Variants in TRPC7 observed in about 807,000 individuals in gnomAD.
TRPC7 encodes the protein transient receptor potential cation channel subfamily C member 7.
A neutral mutation model predicts 90.1 loss-of-function variants in TRPC7; 42 were observed. The ratio of observed to expected loss-of-function variants is 0.47; its 90% CI spans 0.36 to 0.60. The LOEUF is 0.60. Ranked by LOEUF, TRPC7 falls within the 20% of genes least tolerant of loss-of-function variation. TRPC7 has a pLI of 0.00. For missense variants in TRPC7, 955 were observed against 1,112.3 expected (o/e 0.86, Z 2.01); for synonymous variants, 451 against 436.3 (o/e 1.03, Z -0.42).
chr5:136,274,526 G>A, intron 4 of TRPC7, 147 bp downstream of exon 4: 2 of 863,154 alleles, frequency 2.3e-6, no homozygotes, highest in South Asian at 4.4e-5. Flanking sequence ...CTTTTATGTG[G>A]TTTCCTACTT....
intron 2 of TRPC7, among the ~76,000 whole-genome samples, chr5:136,317,710 C>T (rs1180380158): frequency 6.6e-6 from 1 of 152,226 alleles, no homozygotes; most frequent in Non-Finnish European, 1.5e-5. Flanking sequence ...GTAAAACAGA[C>T]ACTGCCCTGT....
In TRPC7 at chr5:136,357,147, C is replaced by A. The variant is rs777935954; in HGVS notation, c.241G>T (p.Ala81Ser). 39 of 1,613,984 alleles carry A rather than the reference C, an allele frequency of 2.4e-5. No individual in the cohort carries two copies. Among genetic ancestry groups the A allele is most frequent in the Non-Finnish European group, 2.9e-5 (34 of 1,180,024 alleles). The change falls in exon 2 of 12, where the codon GCT (alanine) becomes TCT (serine). Residue 81 changes from alanine to serine, a missense_variant. Transcript: ENST00000513104. ...FNCVDYMGQN[A>S]LQLAVGNEHL... ...TCGTTGCCCACGGCCAGCTGCAGAG[C>A]GTTCTGCCCCATGTAGTCCACACAG...
intron 2 of TRPC7, among the ~76,000 whole-genome samples, chr5:136,345,669 A>G (rs1414758063): frequency 6.6e-6 from 1 of 152,126 alleles, no homozygotes; most frequent in African/African-American, 2.4e-5. Flanking sequence ...CTCTGATGGT[A>G]GTTTCTTTTG....
chr5:136,286,247 C>T (rs1757713507), intron 3 of TRPC7, among the ~76,000 whole-genome samples: 1 of 152,164 alleles, frequency 6.6e-6, no homozygotes, highest in Non-Finnish European at 1.5e-5. Context: ...AATAATATGT[C>T]CCATCCCACA....
intron 2 of TRPC7, among the ~76,000 whole-genome samples, chr5:136,352,843 G>A (rs1190377397): frequency 1.3e-5 from 2 of 152,116 alleles, no homozygotes; most frequent in African/African-American, 2.4e-5. Context: ...TATGGACTTT[G>A]TGCCCCCAAC....
rs770673558 is a variant in TRPC7, at chr5:136,251,643, A to C, written c.1579+6T>G. ...AATGGAGTAGGGGAAGCACTCTCCG[A>C]CTCACCGTAGGTGAAGTATGCCACT... is the stretch of plus-strand genomic sequence containing the variant. On this transcript the variant is annotated splice_donor_region_variant and intron_variant, in intron 6 of 11. Transcript: ENST00000513104. 4 of 1,592,518 alleles carry C rather than the reference A, an allele frequency of 2.5e-6. No individual in the cohort carries two copies. The South Asian group carries it at 3.4e-5, about 13-fold the overall frequency.
At chr5:136,286,114 C>T (rs563008651) in intron 3 of TRPC7, among the ~76,000 whole-genome samples, 6 of 152,274 alleles carry the variant, frequency 3.9e-5, no homozygotes, top group East Asian at 3.9e-4. Flanking sequence ...AAATACTTAT[C>T]GAATGCGCGA....
At chr5:136,305,049 C>T (rs1758563825) in intron 3 of TRPC7, among the ~76,000 whole-genome samples, 1 of 152,182 alleles carries the variant, frequency 6.6e-6, no homozygotes. Context: ...CTTCCAAAAT[C>T]TGTTTTCTTC....
chr5:136,246,923 C>T (rs1756359425), intron 7 of TRPC7, among the ~76,000 whole-genome samples: 1 of 152,112 alleles, frequency 6.6e-6, no homozygotes, highest in African/African-American at 2.4e-5. Context: ...AGATGTTAAC[C>T]CATTTCCCCT....
At chr5:136,295,746 T>C (rs1758145652) in intron 3 of TRPC7, among the ~76,000 whole-genome samples, 1 of 152,232 alleles carries the variant, frequency 6.6e-6, no homozygotes, top group Non-Finnish European at 1.5e-5. Flanking sequence ...GTTTATCCTA[T>C]GGTTGATAGG....
Position 136,247,435 on chromosome 5 carries a change from A to AG in TRPC7, c.1844+35dup, listed in dbSNP as rs1756375332. ...ACTCCCAAGGATTCCCAGGAAGCCC[A>AG]GGGAGAACCTCAGGGGAAAGCTCTC... is the stretch of plus-strand genomic sequence containing the variant. On this transcript the variant is annotated intron_variant, in intron 7 of 11. Transcript: ENST00000513104. The surrounding 1 kb of genome is among the most constrained non-coding windows in gnomAD (Gnocchi z 4.2). 8.9e-6 allele frequency: 14 copies of AG among 1,570,582 alleles called. No individual in the cohort carries two copies. The highest frequency in any genetic ancestry group is 1.1e-5 in the Non-Finnish European group (13 of 1,156,204).
intron 5 of TRPC7, among the ~76,000 whole-genome samples, chr5:136,265,306 T>C (rs1756986891): frequency 6.6e-6 from 1 of 152,214 alleles, no homozygotes; most frequent in African/African-American, 2.4e-5. Flanking sequence ...ACTGTACTAA[T>C]TTTTTGTCTT....
In TRPC7 at chr5:136,352,251, A is replaced by G. The variant is rs1240010959; in HGVS notation, c.780+4357T>C. Among the ~76,000 whole-genome samples the G allele has an allele frequency of 2.6e-5, 4 of 152,150 alleles. No individual in the cohort carries two copies. In the East Asian group the frequency reaches 7.7e-4, roughly 29 times the overall value. ...TCCAAAGTCCTAAACCTCACTCTAC[A>G]ATATTCCCTTGTCATCCTTTCTTTC... On this transcript the variant is annotated intron_variant, in intron 2 of 11. Transcript: ENST00000513104.
At chr5:136,252,806 T>C (rs1330218432) in intron 5 of TRPC7, among the ~76,000 whole-genome samples, 10 of 152,214 alleles carry the variant, frequency 6.6e-5, no homozygotes, top group Non-Finnish European at 1.5e-4. Context: ...CAGGAAGTAA[T>C]GCTGGCTTGC....
intron 1 of TRPC7, among the ~76,000 whole-genome samples, chr5:136,364,822 C>G (rs541409069): frequency 2.0e-5 from 3 of 152,258 alleles, no homozygotes; most frequent in South Asian, 4.2e-4. Flanking sequence ...TTTCTTGCCA[C>G]CTGTAGTTCT....
intron 2 of TRPC7, among the ~76,000 whole-genome samples, chr5:136,332,444 C>A (rs1043600410): frequency 6.6e-6 from 1 of 152,068 alleles, no homozygotes; most frequent in Non-Finnish European, 1.5e-5. Flanking sequence ...ATGATTTATG[C>A]TGTAAGAGGA....
At chr5:136,268,428 C>G (rs984984173) in intron 4 of TRPC7, among the ~76,000 whole-genome samples, 4 of 152,154 alleles carry the variant, frequency 2.6e-5, no homozygotes, top group African/African-American at 9.7e-5. Flanking sequence ...CTGAGATAGA[C>G]ACAGCTCTTA....
At chr5:136,306,365 C>T (rs1273869461) in intron 3 of TRPC7, among the ~76,000 whole-genome samples, 1 of 152,030 alleles carries the variant, frequency 6.6e-6, no homozygotes, top group Admixed American at 6.6e-5. Context: ...TTCTAACAAC[C>T]CCACAATATC....
intron 2 of TRPC7, among the ~76,000 whole-genome samples, chr5:136,349,383 T>A (rs1760115909): frequency 6.6e-6 from 1 of 152,196 alleles, no homozygotes; most frequent in African/African-American, 2.4e-5. Context: ...GAGGAGGTGC[T>A]GAATTTTAAG....
Sources: gnomAD v4.1 joint callset for allele counts (sites outside exome capture counted in the v4.1 genomes callset) on GRCh38, gnomAD v4.1.1 for gene constraint, Gnocchi (gnomAD v3.1) non-coding constraint, MANE v1.5 for transcripts, NCBI Gene and HGNC (gene_info 2026-07-23, HGNC 2026-07-21) for gene names.